Variants in ATP8A2 observed in about 807,000 individuals in gnomAD.
ATP8A2 encodes the protein phospholipid-transporting ATPase IB.
Under a neutral mutation model 165.6 loss-of-function variants are expected in ATP8A2, and 100 were observed. The ratio of observed to expected loss-of-function variants is 0.60; its 90% CI spans 0.51 to 0.71. The LOEUF (loss-of-function observed/expected upper bound fraction) is 0.71, where lower values mean the gene tolerates loss of function less well. ATP8A2 is among the 30% of genes least tolerant of loss of function. The probability of loss-of-function intolerance (pLI) is 0.00; values close to 1 mark genes in which losing one functional copy is unlikely to be tolerated. For synonymous variants in ATP8A2, 543 were observed against 548.8 expected, an observed-to-expected ratio of 0.99 and a Z score of 0.15; for missense variants, 1,227 against 1,479.5, an observed-to-expected ratio of 0.83 and a Z score of 2.80.
intron 2 of ATP8A2, among the ~76,000 whole-genome samples, chr13:25,499,267 G>A (rs899094423): frequency 7.2e-5 from 11 of 152,176 alleles, no homozygotes; most frequent in Non-Finnish European, 1.0e-4. Context: ...AACAAACCTA[G>A]AGGGAGATGA....
intron 24 of ATP8A2, among the ~76,000 whole-genome samples, chr13:25,608,333 T>G (rs1430386896): frequency 1.3e-5 from 2 of 152,232 alleles, no homozygotes; most frequent in Non-Finnish European, 2.9e-5. Context: ...TTTCTGGGTT[T>G]CATTAAAGCA....
chr13:25,640,329 A>G (rs1389093421), intron 24 of ATP8A2, among the ~76,000 whole-genome samples: 2 of 152,192 alleles, frequency 1.3e-5, no homozygotes, highest in East Asian at 3.9e-4. Context: ...GTTTTTTGAA[A>G]AGATCAACAA....
At chr13:25,835,517 G>T (rs547363849) in intron 28 of ATP8A2, among the ~76,000 whole-genome samples, 1 of 152,136 alleles carries the variant, frequency 6.6e-6, no homozygotes, top group East Asian at 1.9e-4. Flanking sequence ...ACAGACACAC[G>T]TCCAATTCCC....
chr13:25,613,516 A>G lies in ATP8A2; in HGVS notation c.2211+23817A>G, dbSNP rs190175584. On this transcript the variant is annotated intron_variant, in intron 24 of 36. Transcript: ENST00000381655. The stretch of plus-strand genomic sequence containing the variant: ...TTGAAGCTGGGAGGTGGAGGTTGCC[A>G]TGAGCCAAGATTGTGCCACTGCACT... Among the ~76,000 whole-genome samples, 799 of 152,196 alleles carry G rather than the reference A, an allele frequency of 5.2e-3. 8 individuals are homozygous for G. The highest frequency in any genetic ancestry group is 0.02 in the South Asian group (97 of 4,820).
chr13:25,927,083 T>C (rs996737240), intron 33 of ATP8A2: 1 of 454,340 alleles, frequency 2.2e-6, no homozygotes, highest in Admixed American at 2.4e-5. Context: ...CCAGTCTTCA[T>C]TCATTCACCT....
chr13:25,857,869 C>T (rs1952218431), intron 30 of ATP8A2, among the ~76,000 whole-genome samples: 1 of 152,166 alleles, frequency 6.6e-6, no homozygotes, highest in Admixed American at 6.5e-5. Context: ...CCGCACCCAG[C>T]AGCTAATGTA....
At chr13:25,546,447 ATTGT>A (rs1439484874) in intron 10 of ATP8A2, among the ~76,000 whole-genome samples, 1 of 151,774 alleles carries the variant, frequency 6.6e-6, no homozygotes, top group Non-Finnish European at 1.5e-5. Context: ...GTGAAATAAC[ATTGT>A]TTGTCTGTGC....
At chr13:25,386,516 A>G (rs1456884878) in intron 1 of ATP8A2, among the ~76,000 whole-genome samples, 1 of 152,176 alleles carries the variant, frequency 6.6e-6, no homozygotes, top group Non-Finnish European at 1.5e-5. Context: ...TTCCCTTGGA[A>G]TCCAAATAGC....
At chr13:25,476,128 T>C (rs1185416364) in intron 2 of ATP8A2, among the ~76,000 whole-genome samples, 1 of 152,208 alleles carries the variant, frequency 6.6e-6, no homozygotes, top group Non-Finnish European at 1.5e-5. Flanking sequence ...GGAGAGATTA[T>C]ATATGTGGTA....
chr13:25,943,629 A>C (rs1455642813), intron 33 of ATP8A2, among the ~76,000 whole-genome samples: 1 of 152,192 alleles, frequency 6.6e-6, no homozygotes, highest in Non-Finnish European at 1.5e-5. Context: ...ATGTGTCTCT[A>C]TTGTTAAGCA....
At chr13:25,743,366 A>G (rs1346695589) in intron 25 of ATP8A2, among the ~76,000 whole-genome samples, 1 of 152,178 alleles carries the variant, frequency 6.6e-6, no homozygotes, top group Non-Finnish European at 1.5e-5. Context: ...CAGAGCTGTG[A>G]CAATAAATTT....
intron 1 of ATP8A2, among the ~76,000 whole-genome samples, chr13:25,468,163 T>TG (rs2035722536): frequency 6.6e-6 from 1 of 152,052 alleles, no homozygotes; most frequent in Admixed American, 6.5e-5. Flanking sequence ...TGAAGGTTAT[T>TG]GGGGGGCAGG....
At chr13:25,737,850 AT>A (rs551576126) in intron 25 of ATP8A2, among the ~76,000 whole-genome samples, 8 of 151,742 alleles carry the variant, frequency 5.3e-5, no homozygotes, top group Non-Finnish European at 7.4e-5. Context: ...TGCCTGACTA[AT>A]TTTTTTGTAT....
chr13:25,879,535 G>T (rs1229616380), intron 33 of ATP8A2, among the ~76,000 whole-genome samples: 1 of 152,220 alleles, frequency 6.6e-6, no homozygotes, highest in Non-Finnish European at 1.5e-5. Context: ...CGGACCACCT[G>T]ATCAAGACCC....
intron 24 of ATP8A2, among the ~76,000 whole-genome samples, chr13:25,616,310 T>TTTTCTTTCTTTC (rs1193749619): frequency 2.1e-5 from 3 of 145,898 alleles, no homozygotes; most frequent in African/African-American, 7.9e-5. Context: ...CTTAATTTTC[T>TTTTCTTTCTTTC]TTTCTTTCTT....
intron 27 of ATP8A2, among the ~76,000 whole-genome samples, chr13:25,799,345 C>CT (rs1330533239): frequency 6.6e-6 from 1 of 152,152 alleles, no homozygotes; most frequent in African/African-American, 2.4e-5. Flanking sequence ...CACCTCCTGC[C>CT]TTTAAGAAAC....
intron 1 of ATP8A2, among the ~76,000 whole-genome samples, chr13:25,426,012 C>T (rs955419580): frequency 1.3e-5 from 2 of 152,178 alleles, no homozygotes; most frequent in Admixed American, 1.3e-4. Context: ...CACTCACCTA[C>T]TGGAGGACAT....
At chr13:25,478,403 T>C in intron 2 of ATP8A2, among the ~76,000 whole-genome samples, 1 of 152,164 alleles carries the variant, frequency 6.6e-6, no homozygotes, top group East Asian at 1.9e-4. Flanking sequence ...TCAGAAATGC[T>C]AATCAGCAAC....
intron 35 of ATP8A2, among the ~76,000 whole-genome samples, chr13:25,972,728 T>C (rs1046566545): frequency 1.3e-5 from 2 of 152,220 alleles, no homozygotes; most frequent in Non-Finnish European, 2.9e-5. Flanking sequence ...GTCTTGGTAA[T>C]ATCTTTCCTT....
Sources: gnomAD v4.1 joint callset for allele counts (sites outside exome capture counted in the v4.1 genomes callset) on GRCh38, gnomAD v4.1.1 for gene constraint, MANE v1.5 for transcripts, NCBI Gene and HGNC (gene_info 2026-07-23, HGNC 2026-07-21) for gene names.